The following RIMBP2 variants were observed in gnomAD, a reference collection of about 807,000 sequenced individuals.
The protein encoded by RIMBP2 is RIMS-binding protein 2.
In RIMBP2, 48 loss-of-function variants were observed where a neutral mutation model predicts 118.6. The ratio of observed to expected loss-of-function variants is 0.40; its 90% CI spans 0.32 to 0.51. The LOEUF (loss-of-function observed/expected upper bound fraction) is 0.51, where lower values mean the gene tolerates loss of function less well. RIMBP2 is among the 20% of genes least tolerant of loss of function. RIMBP2 has a pLI of 0.41. For missense variants in RIMBP2, 1,551 were observed against 1,768.3 expected (o/e 0.88, Z 2.20); for synonymous variants, 762 against 742.9 (o/e 1.03, Z -0.42).
At position 130,450,323 on chromosome 12, in the gene RIMBP2, C is replaced by A. The variant is rs1207977895; in HGVS notation, c.505-47G>T. 6.3e-6 allele frequency: 9 copies of A among 1,423,940 alleles called. No homozygotes were observed. In the South Asian group the frequency reaches 1.1e-4, roughly 17 times the overall value. The allele number at this position is 1,423,940 out of a possible 1,614,324, so 88.2% of individuals were successfully genotyped here. ...TGTGGGTTATTGAAGCTGGAGGTGT[C>A]CCACCCCATTCCCGCGGCACACGGG... On this transcript the variant is annotated intron_variant, in intron 8 of 22. Transcript: ENST00000690449. This position sits in a 1 kb window ranked among gnomAD's most constrained non-coding sequence, Gnocchi z 4.8.
intron 6 of RIMBP2, among the ~76,000 whole-genome samples, chr12:130,458,562 G>A (rs4759465): frequency 0.78 from 118,523 of 152,208 alleles, 47,982 homozygotes; most frequent in Admixed American, 0.89. Context: ...AGGCAAGGCC[G>A]GACCCCGGAA....
intron 4 of RIMBP2, among the ~76,000 whole-genome samples, chr12:130,485,917 CAGAA>C (rs2082431725): frequency 6.6e-6 from 1 of 152,200 alleles, no homozygotes; most frequent in South Asian, 2.1e-4. Flanking sequence ...AAGCAGCTGT[CAGAA>C]AGGCGTGAGC....
chr12:130,651,017 A>G (rs1284385817), intron 1 of RIMBP2, among the ~76,000 whole-genome samples: 1 of 151,888 alleles, frequency 6.6e-6, no homozygotes, highest in South Asian at 2.1e-4. Context: ...TGTCACAGGA[A>G]GGATGCTTGG....
At chr12:130,692,885 G>GTAGGTTAGGATAGGA (rs1432383486) in intron 1 of RIMBP2, among the ~76,000 whole-genome samples, 1 of 91,306 alleles carries the variant, frequency 1.1e-5, no homozygotes, top group African/African-American at 4.6e-5. Context: ...GTAGGGTAGG[G>GTAGGTTAGGATAGGA]TAGGGTAGGA....
chr12:130,523,415 A>G lies in RIMBP2; in HGVS notation c.-216-5498T>C, dbSNP rs2052390038. 1.3e-5 allele frequency among the ~76,000 whole-genome samples: 2 copies of G among 152,204 alleles called. No homozygotes were observed. Among genetic ancestry groups the G allele is most frequent in the South Asian group, 2.1e-4 (1 of 4,830 alleles). On this transcript the variant is annotated intron_variant, in intron 2 of 22. Transcript: ENST00000690449. The surrounding 1 kb of genome is among the most constrained non-coding windows in gnomAD (Gnocchi z 4.4). ...GCTGCCCGGTCTGTGGGATCCTGCT[A>G]TGGCAGCCTGAGCTAGTGTATAGCC...
At chr12:130,608,857 T>C (rs2060339847) in intron 2 of RIMBP2, among the ~76,000 whole-genome samples, 1 of 152,190 alleles carries the variant, frequency 6.6e-6, no homozygotes, top group Non-Finnish European at 1.5e-5. Context: ...TATGGTCAGC[T>C]TGCAGTGCAG....
At chr12:130,489,973 A>G (rs1454826781) in intron 4 of RIMBP2, among the ~76,000 whole-genome samples, 1 of 151,994 alleles carries the variant, frequency 6.6e-6, no homozygotes, top group East Asian at 1.9e-4. Flanking sequence ...AAATACAAAA[A>G]ATTAGCCAGG....
At chr12:130,627,710 C>T (rs1430967228) in intron 2 of RIMBP2, among the ~76,000 whole-genome samples, 4 of 152,284 alleles carry the variant, frequency 2.6e-5, no homozygotes, top group Non-Finnish European at 2.9e-5. Context: ...TTGTCACCCC[C>T]TTGCACTCCC....
At chr12:130,678,270 C>T (rs140311947) in intron 1 of RIMBP2, among the ~76,000 whole-genome samples, 1 of 152,190 alleles carries the variant, frequency 6.6e-6, no homozygotes, top group Non-Finnish European at 1.5e-5. Flanking sequence ...ACAGGAAACA[C>T]GACAGGAGAA....
chr12:130,534,181 A>G (rs1025615009), intron 2 of RIMBP2, among the ~76,000 whole-genome samples: 12 of 93,940 alleles, frequency 1.3e-4, no homozygotes, highest in South Asian at 8.6e-4. Context: ...AAAAAAAAAA[A>G]AGAGAGAGAG....
At chr12:130,429,456 G>C (rs1465201054) in intron 14 of RIMBP2, 1 of 152,174 alleles carries the variant, frequency 6.6e-6, no homozygotes, top group Non-Finnish European at 1.5e-5. Flanking sequence ...CTAGTCACGT[G>C]GTAACGGTAT....
intron 6 of RIMBP2, among the ~76,000 whole-genome samples, chr12:130,466,607 G>C (rs1313995020): frequency 6.6e-6 from 1 of 152,136 alleles, no homozygotes; most frequent in South Asian, 2.1e-4. Flanking sequence ...CAGCAAACCT[G>C]GCTTCCATTG....
In RIMBP2 at chr12:130,505,072, G is replaced by A. The variant is rs764070500; in HGVS notation, c.-4+1576C>T. Among the ~76,000 whole-genome samples the A allele has an allele frequency of 8.5e-5, 13 of 152,132 alleles. 1 individual carries two copies. The highest frequency in any genetic ancestry group is 3.9e-4 in the Admixed American group (6 of 15,276). On this transcript the variant is annotated intron_variant, in intron 4 of 22. Transcript: ENST00000690449. The stretch of plus-strand genomic sequence containing the variant: ...AAAGGCAGAGGGTTGGATAAGTCAC[G>A]GTGTGTGCCCTCAGAAAACTCACAG...
chr12:130,688,113 G>A lies in RIMBP2; in HGVS notation c.-352+28109C>T, dbSNP rs1214339957. On this transcript the variant is annotated intron_variant, in intron 1 of 22. Coordinates refer to ENST00000690449, the MANE Select transcript of RIMBP2 (RefSeq NM_001393629.1). This position sits in a 1 kb window ranked among gnomAD's most constrained non-coding sequence, Gnocchi z 4.7. ...AGAGAGCTTACAAAATGACACACTC[G>A]GTGACCAGGCTCTGATGCCATTCCA... Among the ~76,000 whole-genome samples the A allele has an allele frequency of 6.6e-6, 1 of 152,132 alleles. No homozygotes were observed. The highest frequency in any genetic ancestry group is 1.5e-5 in the Non-Finnish European group (1 of 68,032).
chr12:130,472,521 C>T (rs1477681694), intron 5 of RIMBP2, among the ~76,000 whole-genome samples: 3 of 152,194 alleles, frequency 2.0e-5, no homozygotes, highest in Admixed American at 6.5e-5. Context: ...ACGTGGAACA[C>T]TAATAAAGAA....
chr12:130,687,184 A>G (rs2065092375), intron 1 of RIMBP2, among the ~76,000 whole-genome samples: 1 of 152,234 alleles, frequency 6.6e-6, no homozygotes, highest in South Asian at 2.1e-4. Context: ...CGCCAAAGCC[A>G]TGTTCAAAGG....
At chr12:130,702,677 G>A (rs2065917358) in intron 1 of RIMBP2, among the ~76,000 whole-genome samples, 1 of 152,192 alleles carries the variant, frequency 6.6e-6, no homozygotes, top group African/African-American at 2.4e-5. Flanking sequence ...CAGGCTGTGT[G>A]CAAGCCCTTC....
rs1348790796 is a variant in RIMBP2 at position 130,566,204 on chromosome 12, C to G, written c.-216-48287G>C. Among the ~76,000 whole-genome samples, 5 of 152,270 alleles carry G rather than the reference C, an allele frequency of 3.3e-5. No homozygotes were observed. The East Asian group carries it at 9.7e-4, about 29-fold the overall frequency. ...ACACACACACACACACACACACTCA[C>G]TCAACAGTCCTAGCTTCTAAAACAT... On this transcript the variant is annotated intron_variant, in intron 2 of 22. Transcript: ENST00000690449.
chr12:130,569,934 T>A (rs141602801), intron 2 of RIMBP2, among the ~76,000 whole-genome samples: 275 of 152,338 alleles, frequency 1.8e-3, no homozygotes, highest in African/African-American at 6.3e-3. Context: ...TAATGGTTTA[T>A]ATAAATAATG....
Sources: allele counts gnomAD v4.1 joint callset (sites outside exome capture counted in the v4.1 genomes callset), GRCh38; gene constraint gnomAD v4.1.1; non-coding constraint Gnocchi (gnomAD v3.1); transcripts MANE v1.5; gene names NCBI Gene and HGNC (gene_info 2026-07-23, HGNC 2026-07-21).